TK2: variants seen among roughly 807,000 people sequenced by gnomAD.
TK2 encodes the protein thymidine kinase 2, mitochondrial.
TK2 carries 35 observed loss-of-function variants against 41.9 expected under a neutral mutation model. The observed-to-expected ratio is 0.84, with a 90% CI of 0.64 to 1.11. The LOEUF is 1.11. Ranked by LOEUF, TK2 falls within the 50% of genes least tolerant of loss-of-function variation. TK2 has a pLI of 0.00. For missense variants in TK2, 320 were observed against 351.1 expected (o/e 0.91, Z 0.71); for synonymous variants, 128 against 129.1 (o/e 0.99, Z 0.06).
At chr16:66,523,590 A>G (rs905027772) in intron 6 of TK2, among the ~76,000 whole-genome samples, 1 of 152,232 alleles carries the variant, frequency 6.6e-6, no homozygotes, top group African/African-American at 2.4e-5. Flanking sequence ...ACACTTTGGG[A>G]GGCTGAGGCA....
chr16:66,531,620 A>G (rs1965116057), intron 4 of TK2, 151 bp from the exon 5 acceptor site: 10 of 739,646 alleles, frequency 1.4e-5, no homozygotes, highest in Middle Eastern at 3.4e-4. Flanking sequence ...CTCTGACAGC[A>G]GGGTGGACAA....
Position 66,536,892 on chromosome 16 carries a change from C to A in TK2, c.285+72G>T, listed in dbSNP as rs1048795614. Reference sequence around the variant, plus strand: ...AGAGAATGCCTGGGCAGGCAGGGCTCAGGCAGAGGCACCATCATTCTCAGG... The same window carrying A: ...AGAGAATGCCTGGGCAGGCAGGGCTAAGGCAGAGGCACCATCATTCTCAGG... On this transcript the variant is annotated intron_variant, in intron 4 of 9. Coordinates refer to ENST00000544898, the MANE Select transcript of TK2 (RefSeq NM_004614.5). 8.2e-6 allele frequency: 13 copies of A among 1,577,206 alleles called. No individual in the cohort carries two copies. In the South Asian group the frequency reaches 1.4e-4, roughly 17 times the overall value.
intron 5 of TK2, among the ~76,000 whole-genome samples, chr16:66,530,353 A>T (rs887765023): frequency 6.6e-6 from 1 of 152,202 alleles, no homozygotes; most frequent in Non-Finnish European, 1.5e-5. Flanking sequence ...ACAGCTTTGA[A>T]ACATAGGTGC....
intron 4 of TK2, among the ~76,000 whole-genome samples, chr16:66,536,660 G>T (rs1965292967): frequency 6.6e-6 from 1 of 152,136 alleles, no homozygotes; most frequent in Non-Finnish European, 1.5e-5. Context: ...TTCTTCTAGG[G>T]GAGGGGAAGG....
rs765460792 is a variant in TK2, at chr16:66,517,896, G to A, written c.450-19C>T. On this transcript the variant is annotated intron_variant, in intron 6 of 9. Coordinates refer to ENST00000544898, the MANE Select transcript of TK2 (RefSeq NM_004614.5). The surrounding 1 kb of genome is among the most constrained non-coding windows in gnomAD (Gnocchi z 4.3). ...CTTCCCACTGCAATGAGAGTTGTAA[G>A]GGCTTATTCACCTAAGAGAAAACTT... 2 of 1,606,940 alleles carry A rather than the reference G, an allele frequency of 1.2e-6. No individual in the cohort carries two copies. Among genetic ancestry groups the A allele is most frequent in the Admixed American group, 1.7e-5 (1 of 60,022 alleles).
intron 4 of TK2, among the ~76,000 whole-genome samples, chr16:66,535,094 A>G (rs1439276115): frequency 6.6e-6 from 1 of 152,188 alleles, no homozygotes; most frequent in Non-Finnish European, 1.5e-5. Context: ...AAATCTCATA[A>G]AGGCTAGGAG....
intron 6 of TK2, among the ~76,000 whole-genome samples, chr16:66,523,920 C>G (rs1964856020): frequency 1.3e-5 from 2 of 152,244 alleles, no homozygotes; most frequent in Non-Finnish European, 2.9e-5. Flanking sequence ...TCGAGGGCAG[C>G]TGGAGTTGTC....
chr16:66,547,913 C>A, intron 2 of TK2: 1 of 1,280,256 alleles, frequency 7.8e-7, no homozygotes, highest in Non-Finnish European at 1.0e-6. Context: ...AAAGAACAGG[C>A]CCAGCTCACA....
intron 6 of TK2, among the ~76,000 whole-genome samples, chr16:66,527,218 T>G (rs941279168): frequency 6.6e-6 from 1 of 152,110 alleles, no homozygotes; most frequent in African/African-American, 2.4e-5. Context: ...ACAAGAAAAG[T>G]CTGAGGCCAG....
intron 6 of TK2, among the ~76,000 whole-genome samples, chr16:66,519,836 G>A (rs994681552): frequency 1.3e-5 from 2 of 152,214 alleles, no homozygotes; most frequent in Non-Finnish European, 2.9e-5. Flanking sequence ...TCAGTGGGGA[G>A]GGGGCAGGGA....
At chr16:66,532,188 G>A (rs1334544878) in intron 4 of TK2, among the ~76,000 whole-genome samples, 3 of 145,750 alleles carry the variant, frequency 2.1e-5, no homozygotes, top group East Asian at 2.0e-4. Flanking sequence ...ACTGATGAAC[G>A]AACTCAGTAA....
Position 66,511,577 on chromosome 16 carries a change from C to CT in TK2, c.*390_*391insA. On this transcript the variant is annotated 3_prime_UTR_variant, in exon 10 of 10. Coordinates refer to ENST00000544898, the MANE Select transcript of TK2 (RefSeq NM_004614.5). ...CAACCTTTCTGAGCTTCAAATTCCT[C>CT]ACCTGGGATATAAGACTCCTACCTC... 2.9e-6 allele frequency: 1 copy of CT among 339,958 alleles called. No individual in the cohort carries two copies. Among genetic ancestry groups the CT allele is most frequent in the Non-Finnish European group, 5.7e-6 (1 of 174,964 alleles). 21.1% of individuals were successfully genotyped at this position (339,958 alleles called of 1,614,324 possible).
chr16:66,530,665 C>T (rs1965082180), intron 5 of TK2, among the ~76,000 whole-genome samples: 1 of 151,994 alleles, frequency 6.6e-6, no homozygotes, highest in African/African-American at 2.4e-5. Flanking sequence ...GGCCTCATCC[C>T]TAGAATTTCT....
intron 4 of TK2, among the ~76,000 whole-genome samples, chr16:66,536,331 T>C (rs1280306733): frequency 6.6e-6 from 1 of 152,082 alleles, no homozygotes; most frequent in Non-Finnish European, 1.5e-5. Flanking sequence ...CCCTACCTCA[T>C]GGGATGGGAG....
intron 4 of TK2, among the ~76,000 whole-genome samples, chr16:66,536,222 C>T (rs932592823): frequency 6.8e-6 from 1 of 146,040 alleles, no homozygotes; most frequent in Non-Finnish European, 1.5e-5. Flanking sequence ...AAAAAAAAAT[C>T]ACAGGGCAGC....
intron 3 of TK2, 88 bp from the exon 4 acceptor site, chr16:66,537,105 A>G: frequency 6.4e-7 from 1 of 1,568,016 alleles, no homozygotes; most frequent in Non-Finnish European, 8.8e-7. Flanking sequence ...GTGAGGAGAG[A>G]AGGGAAAAAG....
At chr16:66,526,472 C>A (rs901101853) in intron 6 of TK2, among the ~76,000 whole-genome samples, 1 of 152,194 alleles carries the variant, frequency 6.6e-6, no homozygotes, top group African/African-American at 2.4e-5. Context: ...CCGAGCAGAG[C>A]TGTAATCAGG....
chr16:66,544,918 C>G (rs774425535), intron 2 of TK2, among the ~76,000 whole-genome samples: 2 of 151,936 alleles, frequency 1.3e-5, no homozygotes, highest in Non-Finnish European at 2.9e-5. Flanking sequence ...GAAACCCCGT[C>G]TCTACTAAAA....
chr16:66,548,012 C>T lies in TK2; in HGVS notation c.156+966G>A, dbSNP rs553252409. 7.1e-6 allele frequency: 9 copies of T among 1,265,804 alleles called. 1 individual carries two copies. Among genetic ancestry groups the T allele is most frequent in the Non-Finnish European group, 9.3e-6 (9 of 967,364 alleles). 78.4% of individuals were successfully genotyped at this position (1,265,804 alleles called of 1,614,324 possible). ...ACTCAGGAGGCTGATGCCAGAGGAT[C>T]ACTTGAGCCCAGGAGTTGGAGGCCA... On this transcript the variant is annotated intron_variant, in intron 2 of 9. Coordinates refer to ENST00000544898, the MANE Select transcript of TK2 (RefSeq NM_004614.5).
Sources: allele counts gnomAD v4.1 joint callset (sites outside exome capture counted in the v4.1 genomes callset), GRCh38; gene constraint gnomAD v4.1.1; non-coding constraint Gnocchi (gnomAD v3.1); transcripts MANE v1.5; gene names NCBI Gene and HGNC (gene_info 2026-07-23, HGNC 2026-07-21).